The following RIC1 variants were observed in gnomAD, a reference collection of about 807,000 sequenced individuals.
RIC1 encodes guanine nucleotide exchange factor subunit RIC1.
RIC1 carries 88 observed loss-of-function variants against 169.0 expected under a neutral mutation model. The ratio of observed to expected loss-of-function variants is 0.52; its 90% CI spans 0.44 to 0.62. The LOEUF is 0.62. Ranked by LOEUF, RIC1 falls within the 20% of genes least tolerant of loss-of-function variation. The pLI is 0.00. For missense variants in RIC1, 1,877 were observed against 1,725.5 expected (o/e 1.09, Z -1.56); for synonymous variants, 790 against 601.5 (o/e 1.31, Z -4.59).
At chr9:5,651,913 G>T (rs558069381) in intron 1 of RIC1, among the ~76,000 whole-genome samples, 3 of 152,220 alleles carry the variant, frequency 2.0e-5, no homozygotes, top group South Asian at 4.1e-4. Flanking sequence ...TAAGATAAGG[G>T]TCTAATTTCA....
intron 11 of RIC1, 78 bp downstream of exon 11, chr9:5,746,161 G>A: frequency 9.7e-7 from 1 of 1,030,722 alleles, no homozygotes; most frequent in Non-Finnish European, 1.4e-6. Flanking sequence ...CATATGTATG[G>A]CGTATACTTC....
intron 6 of RIC1, among the ~76,000 whole-genome samples, chr9:5,726,273 C>G (rs1823976838): frequency 6.6e-6 from 1 of 152,306 alleles, no homozygotes; most frequent in South Asian, 2.1e-4. Context: ...ATAGTTAGCT[C>G]TTCTTGTTGA....
intron 1 of RIC1, among the ~76,000 whole-genome samples, chr9:5,654,684 T>G (rs1432949462): frequency 6.6e-6 from 1 of 152,030 alleles, no homozygotes; most frequent in Non-Finnish European, 1.5e-5. Context: ...GGATTAATTT[T>G]TGTATTTTTA....
rs765480459 is a variant in RIC1, at chr9:5,774,020, C to T, written c.4046C>T (p.Thr1349Ile). ...KPQLQKLSEI[T>I]EEQVQPDAFQ... ...CAACTGCAGAAGCTCAGTGAGATAA[C>T]AGAAGAGCAGGTCCAGCCAGATGCC... The change falls in exon 26 of 26, where the codon ACA becomes ATA. Residue 1349 changes from threonine to isoleucine, a missense_variant. Around this residue, in one of 3 missense-constraint regions of RIC1, gnomAD observed 681 missense variants for 582.0 expected, o/e 1.17. Coordinates refer to ENST00000414202, the MANE Select transcript of RIC1 (RefSeq NM_020829.4). 2.5e-6 allele frequency: 4 copies of T among 1,613,812 alleles called. No individual in the cohort carries two copies. The South Asian group carries it at 3.3e-5, about 13-fold the overall frequency.
chr9:5,720,403 C>G, intron 5 of RIC1, 79 bp downstream of exon 5: 5 of 1,403,934 alleles, frequency 3.6e-6, no homozygotes, highest in Non-Finnish European at 3.9e-6. Flanking sequence ...TGGATGAACA[C>G]TTCTTTGGAA....
rs73390685 is a variant in RIC1 at position 5,644,687 on chromosome 9, A to G, written c.145-11896A>G. Among the ~76,000 whole-genome samples the G allele has an allele frequency of 5.8e-3, 890 of 152,316 alleles. 10 individuals are homozygous for G. Among genetic ancestry groups the G allele is most frequent in the African/African-American group, 0.02 (837 of 41,564 alleles). ...ACAGGTATTTGAGTCATTGTGAATA[A>G]TACTCTCATTTTGAATGATTGTGAG... On this transcript the variant is annotated intron_variant, in intron 1 of 25. Transcript: ENST00000414202.
downstream of RIC1, among the ~76,000 whole-genome samples, chr9:5,778,527 A>ATAAGC (rs759783856): frequency 3.9e-5 from 6 of 152,100 alleles, no homozygotes; most frequent in Admixed American, 3.9e-4. Flanking sequence ...TTTTTTATTG[A>ATAAGC]TAAGCTTTAT....
intron 1 of RIC1, among the ~76,000 whole-genome samples, chr9:5,648,148 A>G (rs1818625009): frequency 6.6e-6 from 1 of 151,742 alleles, no homozygotes; most frequent in Non-Finnish European, 1.5e-5. Flanking sequence ...ATACCCGACT[A>G]ATTTCTTGTA....
intron 16 of RIC1, among the ~76,000 whole-genome samples, chr9:5,756,799 G>A (rs1349086055): frequency 6.6e-6 from 1 of 152,150 alleles, no homozygotes; most frequent in Non-Finnish European, 1.5e-5. Flanking sequence ...GTAGTCTGGG[G>A]CAGTAAAAAA....
intron 1 of RIC1, among the ~76,000 whole-genome samples, chr9:5,644,659 T>A (rs959462595): frequency 6.6e-6 from 1 of 152,232 alleles, no homozygotes; most frequent in Non-Finnish European, 1.5e-5. Context: ...CATTCACCAG[T>A]TGACAGGTAT....
In RIC1 at chr9:5,763,119, T is replaced by A; in HGVS notation, c.2113-21T>A. ...CAGATTTAATAGGAAAACAACTTGA[T>A]TCTTGTCTCTCCTTCTCCAGCTGCC... On this transcript the variant is annotated intron_variant, in intron 18 of 25. Transcript: ENST00000414202. This position sits in a 1 kb window ranked among gnomAD's most constrained non-coding sequence, Gnocchi z 5.2. 6.2e-7 allele frequency: 1 copy of A among 1,605,890 alleles called. No homozygotes were observed. Among genetic ancestry groups the A allele is most frequent in the Non-Finnish European group, 8.5e-7 (1 of 1,174,588 alleles).
At chr9:5,697,817 A>G (rs1821994646) in intron 3 of RIC1, among the ~76,000 whole-genome samples, 1 of 152,194 alleles carries the variant, frequency 6.6e-6, no homozygotes, top group Non-Finnish European at 1.5e-5. Flanking sequence ...TATCTGTAAA[A>G]CACTTGCTAT....
Position 5,763,847 on chromosome 9 carries a change from C to G in RIC1, c.2820C>G (p.Ala940=). 1 of 1,612,678 alleles carries G rather than the reference C, an allele frequency of 6.2e-7. No individual in the cohort carries two copies. The stretch of plus-strand genomic sequence containing the variant: ...TGGCTCAGGATTTGGACACAGCTGC[C>G]TCTTACCTTATTATCTTACAGGTAA... ...CLMAQDLDTA[A]SYLIILQNME... Residue 940 remains alanine (A), a synonymous_variant, in exon 19 of 26, where the codon GCC becomes GCG. Transcript: ENST00000414202. The surrounding 1 kb of genome is among the most constrained non-coding windows in gnomAD (Gnocchi z 5.2).
intron 3 of RIC1, among the ~76,000 whole-genome samples, chr9:5,707,940 T>C (rs1287240496): frequency 1.3e-5 from 2 of 152,168 alleles, no homozygotes; most frequent in Admixed American, 6.5e-5. Flanking sequence ...TCTGTATCTT[T>C]TTTGTCCTGG....
intron 7 of RIC1, among the ~76,000 whole-genome samples, chr9:5,735,413 CAGA>C (rs549519388): frequency 3.1e-4 from 47 of 152,270 alleles, no homozygotes; most frequent in Middle Eastern, 3.4e-3. Flanking sequence ...TGTTAGAATC[CAGA>C]AGAAGTACTC....
At chr9:5,654,254 C>CT (rs998981419) in intron 1 of RIC1, among the ~76,000 whole-genome samples, 5 of 151,078 alleles carry the variant, frequency 3.3e-5, no homozygotes, top group East Asian at 3.9e-4. Flanking sequence ...TGTTTGGTTT[C>CT]TTTTTTTTGG....
chr9:5,750,868 G>A (rs187983994), intron 12 of RIC1, among the ~76,000 whole-genome samples: 12 of 151,806 alleles, frequency 7.9e-5, no homozygotes, highest in African/African-American at 2.7e-4. Flanking sequence ...GATCAATAAA[G>A]TTGACCTACT....
chr9:5,772,663 G>C lies in RIC1; in HGVS notation c.3716G>C (p.Ser1239Thr), dbSNP rs369320747. 2 of 1,613,780 alleles carry C rather than the reference G, an allele frequency of 1.2e-6. No homozygotes were observed. Among genetic ancestry groups the C allele is most frequent in the African/African-American group, 1.3e-5 (1 of 74,898 alleles). ...TMVDENFSTL[S>T]LTQSELEHIS... ...GTGGATGAAAATTTCTCTACACTCA[G>C]TTTAACTCAGTCAGAGCTGGAGCAC... The change falls in exon 24 of 26, where the codon AGT (serine) becomes ACT (threonine). Residue 1239 changes from serine to threonine, a missense_variant. Transcript: ENST00000414202.
intron 2 of RIC1, among the ~76,000 whole-genome samples, chr9:5,660,476 A>C (rs950548494): frequency 1.3e-5 from 2 of 152,222 alleles, no homozygotes; most frequent in African/African-American, 4.8e-5. Flanking sequence ...CCAACAGTGT[A>C]AAAGCATTCC....
Sources: allele counts gnomAD v4.1 joint callset (sites outside exome capture counted in the v4.1 genomes callset), GRCh38; gene constraint gnomAD v4.1.1; regional missense constraint gnomAD v4.1.1; non-coding constraint Gnocchi (gnomAD v3.1); transcripts MANE v1.5; gene names NCBI Gene and HGNC (gene_info 2026-07-23, HGNC 2026-07-21).